Variants in ZNF429 observed in about 807,000 individuals in gnomAD.
ZNF429 encodes zinc finger protein 429.
In ZNF429, 53 loss-of-function variants were observed where a neutral mutation model predicts 56.8. The observed-to-expected ratio is 0.93, with a 90% CI of 0.75 to 1.17. ZNF429 has a LOEUF of 1.17. Among genes scored for constraint, ZNF429 ranks in the 50% most tolerant of loss-of-function variants. The pLI is 0.00. For synonymous variants in ZNF429, 278 were observed against 264.7 expected, an observed-to-expected ratio of 1.05 and a Z score of -0.49; for missense variants, 849 against 788.4, an observed-to-expected ratio of 1.08 and a Z score of -0.92.
chr19:21,521,162 G>A (rs2681365), intron 1 of ZNF429, among the ~76,000 whole-genome samples: 28,322 of 152,100 alleles, frequency 0.19, 2,679 homozygotes, highest in Middle Eastern at 0.22. Flanking sequence ...TCCCCAAAAG[G>A]ACTAATTATA....
At chr19:21,511,959 C>T (rs1051161639) in intron 1 of ZNF429, among the ~76,000 whole-genome samples, 6 of 152,056 alleles carry the variant, frequency 3.9e-5, no homozygotes, top group African/African-American at 4.8e-5. Context: ...CGCCTGGAAT[C>T]GCAGGCACTC....
chr19:21,509,161 G>A (rs1599430195), intron 1 of ZNF429, among the ~76,000 whole-genome samples: 1 of 151,866 alleles, frequency 6.6e-6, no homozygotes, highest in East Asian at 1.9e-4. Context: ...GGCGCACACT[G>A]TCGCGCCAGC....
chr19:21,519,992 A>C (rs1474147950), intron 1 of ZNF429, among the ~76,000 whole-genome samples: 2 of 151,572 alleles, frequency 1.3e-5, no homozygotes, highest in Non-Finnish European at 1.5e-5. Context: ...AGTAACTGGG[A>C]TTACAGGCAC....
At chr19:21,518,725 T>C (rs1203847264) in intron 1 of ZNF429, 1 of 152,070 alleles carries the variant, frequency 6.6e-6, no homozygotes, top group African/African-American at 2.4e-5. Context: ...GCTAAATTTT[T>C]ATTTTTTTAT....
intron 2 of ZNF429, 149 bp from the exon 3 acceptor site, chr19:21,530,440 T>C: frequency 1.0e-5 from 5 of 485,422 alleles, no homozygotes; most frequent in Non-Finnish European, 1.7e-5. Context: ...TTAAATATTT[T>C]CTAAAGATTT....
At chr19:21,516,275 G>A (rs2032738517) in intron 1 of ZNF429, among the ~76,000 whole-genome samples, 2 of 151,874 alleles carry the variant, frequency 1.3e-5, no homozygotes, top group Non-Finnish European at 1.5e-5. Context: ...TTTTAGTAGG[G>A]ACGGGGTTTC....
At chr19:21,535,340 TTTCCTTTCC>T in intron 3 of ZNF429, among the ~76,000 whole-genome samples, 1 of 134,024 alleles carries the variant, frequency 7.5e-6, no homozygotes. Flanking sequence ...TTTTCTTTTC[TTTCCTTTCC>T]TTTCTTTTCT....
chr19:21,538,059 A>G lies in ZNF429; in HGVS notation c.2006A>G (p.Asp669Gly), dbSNP rs376921828. The part of the protein sequence containing the change: ...GRGGRITRSG[D>G]RDRPG The stretch of plus-strand genomic sequence containing the variant: ...GGTGGGCGGATCACGAGGTCAGGAG[A>G]TCGAGACCGTCCTGGCTAACATGGT... The change falls in exon 4 of 4, where the codon GAT becomes GGT. Residue 669 changes from aspartate to glycine, a missense_variant. Coordinates refer to ENST00000358491, the MANE Select transcript of ZNF429 (RefSeq NM_001001415.4). 4 of 1,358,562 alleles carry G rather than the reference A, an allele frequency of 2.9e-6. No homozygotes were observed. In the African/African-American group the frequency reaches 4.5e-5, roughly 15 times the overall value. 84.2% of individuals were successfully genotyped at this position (1,358,562 alleles called of 1,614,324 possible).
intron 1 of ZNF429, among the ~76,000 whole-genome samples, chr19:21,522,741 A>G (rs542905144): frequency 6.6e-6 from 1 of 152,262 alleles, no homozygotes; most frequent in South Asian, 2.1e-4. Flanking sequence ...CTAAAAAAAT[A>G]CAAAAATTAG....
chr19:21,515,014 C>T (rs1026894762), intron 1 of ZNF429, among the ~76,000 whole-genome samples: 10 of 151,896 alleles, frequency 6.6e-5, no homozygotes, highest in African/African-American at 2.2e-4. Context: ...GATCCCCGCT[C>T]ACTGCAGCCT....
chr19:21,529,011 C>CT (rs2145460871), intron 1 of ZNF429: 1 of 152,106 alleles, frequency 6.6e-6, no homozygotes, highest in African/African-American at 2.4e-5. Flanking sequence ...AATCTGGCAG[C>CT]TGCCCTTCTT....
chr19:21,536,579 A>T lies in ZNF429; in HGVS notation c.526A>T (p.Lys176Ter), dbSNP rs2033683121. Residue 176 changes from lysine (K) to a stop codon, truncating the protein, a stop_gained, in exon 4 of 4, where the codon AAA (lysine) becomes TAA (stop). Coordinates refer to ENST00000358491, the MANE Select transcript of ZNF429 (RefSeq NM_001001415.4). LOFTEE classifies it high-confidence loss of function. ...RHTGKKPFQC[K>*]KCGKSFCMLS... ...TACTGGAAAGAAACCTTTCCAGTGT[A>T]AAAAATGTGGCAAATCATTTTGCAT... 1.2e-6 allele frequency: 2 copies of T among 1,613,544 alleles called. No individual in the cohort carries two copies. Among genetic ancestry groups the T allele is most frequent in the Non-Finnish European group, 1.7e-6 (2 of 1,179,814 alleles).
chr19:21,505,964 C>A, intron 1 of ZNF429, 190 bp downstream of exon 1: 1 of 528,744 alleles, frequency 1.9e-6, no homozygotes, highest in Non-Finnish European at 3.5e-6. Context: ...GGGCCCCGGG[C>A]GTCCTGTCTT....
chr19:21,505,788 G>C lies in ZNF429; in HGVS notation c.3+14G>C. 6.2e-7 allele frequency: 1 copy of C among 1,611,714 alleles called. No individual in the cohort carries two copies. The highest frequency in any genetic ancestry group is 1.1e-5 in the South Asian group (1 of 91,038). Reference sequence around the variant, plus strand: ...AGCCTAGAAATGGTGAGAGTGCCGAGTCTGACATCCCCAGAGAGGGGGAGG... The same window carrying C: ...AGCCTAGAAATGGTGAGAGTGCCGACTCTGACATCCCCAGAGAGGGGGAGG... On this transcript the variant is annotated intron_variant, in intron 1 of 3. Transcript: ENST00000358491.
chr19:21,512,283 G>T (rs2032522751), intron 1 of ZNF429, among the ~76,000 whole-genome samples: 2 of 152,108 alleles, frequency 1.3e-5, no homozygotes. Flanking sequence ...CTTGGTTTTG[G>T]TGGGTTTTAG....
chr19:21,536,400 GCTATAAAA>G lies in ZNF429; in HGVS notation c.350_357del (p.Tyr117CysfsTer3), dbSNP rs751029456. 17 of 1,612,424 alleles carry G rather than the reference GCTATAAAA, an allele frequency of 1.1e-5. No homozygotes were observed. The Admixed American group carries it at 2.7e-4, about 25-fold the overall frequency. On this transcript the variant is annotated frameshift_variant, in exon 4 of 4. Coordinates refer to ENST00000358491, the MANE Select transcript of ZNF429 (RefSeq NM_001001415.4). LOFTEE classifies it high-confidence loss of function. ...CATGAGAACTTACAATTAAGAAAAG[GCTATAAAA>G]CTGTAGGTGATTGTAAGCTATACAA...
At chr19:21,509,427 A>G (rs2032347649) in intron 1 of ZNF429, among the ~76,000 whole-genome samples, 1 of 152,214 alleles carries the variant, frequency 6.6e-6, no homozygotes, top group Non-Finnish European at 1.5e-5. Context: ...AACATTGAGT[A>G]ATTTTGCTGG....
intron 3 of ZNF429, among the ~76,000 whole-genome samples, chr19:21,534,264 G>A: frequency 6.6e-6 from 1 of 152,158 alleles, no homozygotes; most frequent in Non-Finnish European, 1.5e-5. Flanking sequence ...AAATGTTGAA[G>A]AGCATGTTTT....
chr19:21,511,913 A>G (rs1006889757), intron 1 of ZNF429, among the ~76,000 whole-genome samples: 2 of 152,092 alleles, frequency 1.3e-5, no homozygotes, highest in Admixed American at 1.3e-4. Flanking sequence ...CGTCTCCACC[A>G]AAAAAATACG....
Sources: allele counts gnomAD v4.1 joint callset (sites outside exome capture counted in the v4.1 genomes callset), GRCh38; gene constraint gnomAD v4.1.1; transcripts MANE v1.5; gene names NCBI Gene and HGNC (gene_info 2026-07-23, HGNC 2026-07-21).